ELOVL5: variants seen among roughly 807,000 people sequenced by gnomAD.
ELOVL5 encodes ELOVL fatty acid elongase 5.
ELOVL5 carries 8 observed loss-of-function variants against 38.6 expected under a neutral mutation model. That is an observed-to-expected ratio of 0.21 (90% CI 0.12 to 0.37). The LOEUF is 0.37. Ranked by LOEUF, ELOVL5 falls within the 10% of genes least tolerant of loss-of-function variation. ELOVL5 has a pLI of 1.00. For synonymous variants in ELOVL5, 127 were observed against 133.7 expected (o/e 0.95, Z 0.34); for missense variants, 280 against 367.8 (o/e 0.76, Z 1.95).
intron 1 of ELOVL5, among the ~76,000 whole-genome samples, chr6:53,339,375 A>T (rs1769222278): frequency 6.6e-6 from 1 of 152,212 alleles, no homozygotes; most frequent in African/African-American, 2.4e-5. Context: ...CTCAGTTCTG[A>T]AAGAGTCTAA....
At chr6:53,348,441 A>C (rs1287888509) in intron 1 of ELOVL5, among the ~76,000 whole-genome samples, 1 of 151,790 alleles carries the variant, frequency 6.6e-6, no homozygotes, top group Non-Finnish European at 1.5e-5. Context: ...GGGCGGGAGG[A>C]CCCAGGCGGA....
intron 1 of ELOVL5, among the ~76,000 whole-genome samples, chr6:53,300,007 C>T (rs1222908162): frequency 6.6e-6 from 1 of 152,040 alleles, no homozygotes; most frequent in Non-Finnish European, 1.5e-5. Flanking sequence ...TCTGAAATGA[C>T]TACAGTGAAA....
chr6:53,317,124 A>C (rs759871732), intron 1 of ELOVL5, among the ~76,000 whole-genome samples: 11 of 152,344 alleles, frequency 7.2e-5, no homozygotes, highest in South Asian at 6.2e-4. Flanking sequence ...GAAAACATTA[A>C]GCCAGCTATG....
chr6:53,294,808 T>A (rs1009554964), intron 2 of ELOVL5, among the ~76,000 whole-genome samples: 1 of 152,202 alleles, frequency 6.6e-6, no homozygotes, highest in Non-Finnish European at 1.5e-5. Context: ...AGCATCCTGA[T>A]ATGTATCATT....
chr6:53,309,945 C>A (rs1018113491), intron 1 of ELOVL5, among the ~76,000 whole-genome samples: 1 of 152,164 alleles, frequency 6.6e-6, no homozygotes, highest in East Asian at 1.9e-4. Flanking sequence ...CCTCAGAAAA[C>A]GTGTGTGACA....
At chr6:53,308,861 C>CT (rs959070399) in intron 1 of ELOVL5, among the ~76,000 whole-genome samples, 31 of 118,900 alleles carry the variant, frequency 2.6e-4, no homozygotes, top group Admixed American at 9.6e-4. Context: ...CTAATTCCAC[C>CT]AGCTGGGGGG....
At position 53,329,857 on chromosome 6, in the gene ELOVL5, T is replaced by G. The variant is rs116274216; in HGVS notation, c.-9+18960A>C. 3.9e-3 allele frequency among the ~76,000 whole-genome samples: 599 copies of G among 152,218 alleles called. 8 individuals carry two copies. Among genetic ancestry groups the G allele is most frequent in the African/African-American group, 0.014 (566 of 41,542 alleles). On this transcript the variant is annotated intron_variant, in intron 1 of 7. Transcript: ENST00000304434. Reference sequence around the variant, plus strand: ...ATAAGAAATAAAAAAGAGAGAATAGTGTGTCTTCAGACCAAAAAGTTTGAG... The same window carrying G: ...ATAAGAAATAAAAAAGAGAGAATAGGGTGTCTTCAGACCAAAAAGTTTGAG...
intron 1 of ELOVL5, among the ~76,000 whole-genome samples, chr6:53,323,608 GT>G (rs1362467390): frequency 7.6e-6 from 1 of 131,964 alleles, no homozygotes; most frequent in African/African-American, 2.8e-5. Flanking sequence ...TTGAGACGGA[GT>G]TTTGCTCTTG....
intron 1 of ELOVL5, among the ~76,000 whole-genome samples, chr6:53,315,714 G>A (rs937712598): frequency 6.6e-6 from 1 of 152,168 alleles, no homozygotes; most frequent in Non-Finnish European, 1.5e-5. Flanking sequence ...AAATGACAGA[G>A]AGTTTGGATT....
chr6:53,305,293 T>C (rs1767456125), intron 1 of ELOVL5, among the ~76,000 whole-genome samples: 1 of 109,818 alleles, frequency 9.1e-6, no homozygotes, highest in African/African-American at 4.0e-5. Context: ...GAGGCGCCCC[T>C]CACCTCCCGG....
intron 3 of ELOVL5, among the ~76,000 whole-genome samples, chr6:53,285,201 T>C (rs984913118): frequency 1.3e-5 from 2 of 152,136 alleles, no homozygotes; most frequent in Admixed American, 6.5e-5. Context: ...AAAGGAAAAG[T>C]TACTGAAGGA....
chr6:53,347,683 C>CT (rs1430460405), intron 1 of ELOVL5, among the ~76,000 whole-genome samples: 1 of 152,226 alleles, frequency 6.6e-6, no homozygotes, highest in African/African-American at 2.4e-5. Flanking sequence ...CTCAGTCTAG[C>CT]TAATAAACCA....
intron 5 of ELOVL5, 81 bp downstream of exon 5, chr6:53,275,009 C>A: frequency 1.5e-6 from 2 of 1,366,992 alleles, no homozygotes; most frequent in Admixed American, 2.2e-5. Flanking sequence ...TTTACAGAAA[C>A]AGCACCTTTT....
intron 1 of ELOVL5, among the ~76,000 whole-genome samples, chr6:53,311,661 G>A (rs1767838552): frequency 6.6e-6 from 1 of 152,192 alleles, no homozygotes; most frequent in Non-Finnish European, 1.5e-5. Flanking sequence ...TTAAAAGGAA[G>A]ACAGTACTGA....
chr6:53,268,936 T>C lies in ELOVL5; in HGVS notation c.*191A>G, dbSNP rs1765824761. On this transcript the variant is annotated 3_prime_UTR_variant, in exon 8 of 8. Transcript: ENST00000304434. ...CAGGGGTCAGAGAGCCCAGAAATGT[T>C]AGAAATCTTATCCCTACTTATATAA... 5.0e-6 allele frequency: 3 copies of C among 598,068 alleles called. No homozygotes were observed. The South Asian group carries it at 7.9e-5, about 16-fold the overall frequency. 37.0% of individuals were successfully genotyped at this position (598,068 alleles called of 1,614,324 possible).
intron 4 of ELOVL5, 108 bp from the exon 5 acceptor site, chr6:53,275,369 G>T: frequency 9.1e-7 from 1 of 1,093,920 alleles, no homozygotes; most frequent in Non-Finnish European, 1.3e-6. Context: ...ACTCGGAGAA[G>T]CCCGAGTGCC....
At chr6:53,348,446 G>A (rs1020219818) in intron 1 of ELOVL5, among the ~76,000 whole-genome samples, 11 of 152,170 alleles carry the variant, frequency 7.2e-5, no homozygotes, top group African/African-American at 2.4e-4. Context: ...GGAGGACCCA[G>A]GCGGACAGAT....
At chr6:53,345,844 AG>A (rs1337303868) in intron 1 of ELOVL5, among the ~76,000 whole-genome samples, 2 of 152,218 alleles carry the variant, frequency 1.3e-5, no homozygotes, top group Non-Finnish European at 2.9e-5. Flanking sequence ...ACAGAGCTAT[AG>A]GAATTTGGAC....
In ELOVL5 at chr6:53,336,513, T is replaced by G. The variant is rs182067281; in HGVS notation, c.-9+12304A>C. The stretch of plus-strand genomic sequence containing the variant: ...TGTCTCTACCAAAAATATAAAAAAT[T>G]AGCTGGGCATGGTGGTGCTTGCCTG... On this transcript the variant is annotated intron_variant, in intron 1 of 7. Coordinates refer to ENST00000304434, the MANE Select transcript of ELOVL5 (RefSeq NM_021814.5). Among the ~76,000 whole-genome samples the G allele has an allele frequency of 4.9e-4, 75 of 152,222 alleles. 1 individual carries two copies. Among genetic ancestry groups the G allele is most frequent in the African/African-American group, 1.7e-3 (70 of 41,554 alleles).
Sources: allele counts gnomAD v4.1 joint callset (sites outside exome capture counted in the v4.1 genomes callset), GRCh38; gene constraint gnomAD v4.1.1; transcripts MANE v1.5; gene names NCBI Gene and HGNC (gene_info 2026-07-23, HGNC 2026-07-21).